HNRNPL: variants seen among roughly 807,000 people sequenced by gnomAD.
HNRNPL encodes the protein epididymis secretory sperm binding protein.
In HNRNPL, 12 loss-of-function variants were observed where a neutral mutation model predicts 64.0. That is an observed-to-expected ratio of 0.19 (90% CI 0.12 to 0.30). The LOEUF is 0.30. HNRNPL is among the 10% of genes least tolerant of loss of function. The pLI is 1.00. For missense variants in HNRNPL, 484 were observed against 797.4 expected (o/e 0.61, Z 4.73); for synonymous variants, 385 against 313.0 (o/e 1.23, Z -2.43).
intron 9 of HNRNPL, 132 bp downstream of exon 9, chr19:38,838,762 G>A (rs1430203325): frequency 3.6e-6 from 5 of 1,373,308 alleles, no homozygotes; most frequent in Non-Finnish European, 5.1e-6. Context: ...AGACACGTCT[G>A]GGAACACACC....
At chr19:38,851,898 G>A (rs1057448390), upstream of HNRNPL, among the ~76,000 whole-genome samples, 2 of 152,136 alleles carry the variant, frequency 1.3e-5, no homozygotes, top group Non-Finnish European at 2.9e-5. Context: ...ATCCGACCAC[G>A]CCAACGGAAC....
At chr19:38,845,450 T>TC (rs1167029498) in intron 4 of HNRNPL, 200 bp downstream of exon 4, 4 of 593,998 alleles carry the variant, frequency 6.7e-6, no homozygotes, top group Non-Finnish European at 9.0e-6. Flanking sequence ...CACTGCTCTC[T>TC]CCCCTAAGAT....
At chr19:38,850,662 C>T (rs370868943), upstream of HNRNPL, among the ~76,000 whole-genome samples, 7 of 152,356 alleles carry the variant, frequency 4.6e-5, no homozygotes, top group African/African-American at 1.7e-4. Flanking sequence ...ATGGAGCGAC[C>T]GCTGTGTGTG....
chr19:38,848,615 C>T (rs1600070374), intron 1 of HNRNPL, among the ~76,000 whole-genome samples: 1 of 152,160 alleles, frequency 6.6e-6, no homozygotes, highest in Non-Finnish European at 1.5e-5. Flanking sequence ...ATTTCAGGAG[C>T]GATCCACGCG....
In HNRNPL at chr19:38,837,405, G is replaced by A. The variant is rs1490881749; in HGVS notation, c.1690C>T (p.His564Tyr). 1 of 1,614,066 alleles carries A rather than the reference G, an allele frequency of 6.2e-7. No homozygotes were observed. The highest frequency in any genetic ancestry group is 1.3e-5 in the African/African-American group (1 of 75,056). The change falls in exon 12 of 13, where the codon CAT becomes TAT. Residue 564 changes from histidine (H) to tyrosine (Y), a missense_variant. Physicochemically the swap from His to Tyr is moderately conservative, Grantham distance 83. Coordinates refer to ENST00000221419, the MANE Select transcript of HNRNPL (RefSeq NM_001533.3). Reference sequence around the variant, plus strand: ...TCACTTGGGTTTTTCATCTGGTAATGGTTCAGGAAGCCCAGAGTCTCCAGG... The same window carrying A: ...TCACTTGGGTTTTTCATCTGGTAATAGTTCAGGAAGCCCAGAGTCTCCAGG... Reference protein sequence around the residue: ...DALETLGFLNHYQMKNPNGPY... With the variant: ...DALETLGFLNYYQMKNPNGPY...
chr19:38,840,953 A>T (rs1213540872), intron 6 of HNRNPL: 1 of 221,676 alleles, frequency 4.5e-6, no homozygotes, highest in East Asian at 1.5e-4. Context: ...GGGAGAGTAG[A>T]TTAAGAGGAA....
rs1972439138 is a variant in HNRNPL, at chr19:38,849,724, C to T, written c.243G>A (p.Gly81=). The T allele has an allele frequency of 1.5e-6, 2 of 1,376,506 alleles. No individual in the cohort carries two copies. The highest frequency in any genetic ancestry group is 9.3e-7 in the Non-Finnish European group (1 of 1,071,962). The allele number at this position is 1,376,506 out of a possible 1,614,324, so 85.3% of individuals were successfully genotyped here. ...GGGGGGGGGA[G]AAGGGGGGEN... is the part of the protein sequence containing the mutation. ...CCCCACCGCCGCCGCCGCCCGCCGC[C>T]CCGGCTCCTCCACCGCCACCGCCGC... Residue 81 remains glycine, a synonymous_variant, in exon 1 of 13, where the codon GGG becomes GGA. Coordinates refer to ENST00000221419, the MANE Select transcript of HNRNPL (RefSeq NM_001533.3).
chr19:38,837,698 G>A (rs753698023), intron 10 of HNRNPL, 47 bp from the exon 11 acceptor site: 12 of 1,545,328 alleles, frequency 7.8e-6, no homozygotes, highest in Middle Eastern at 1.8e-4. Flanking sequence ...CAAAAGGGCC[G>A]CCACACAGGA....
chr19:38,849,653 T>G (rs758524026), intron 1 of HNRNPL, 47 bp downstream of exon 1: 8 of 1,302,036 alleles, frequency 6.1e-6, no homozygotes, highest in Non-Finnish European at 7.8e-6. Flanking sequence ...GCTGGGAAAT[T>G]GTCCCCCAGT....
chr19:38,845,914 G>C lies in HNRNPL; in HGVS notation c.563C>G (p.Ser188Cys). ...KISRPGDSDD[S>C]RSVNSVLLFT... ...GAGAAGCACACTGTTCACGCTCCGG[G>C]AGTCATCCGAGTCCCCAGGGCGGGA... is the stretch of plus-strand genomic sequence containing the variant. The change falls in exon 3 of 13, where the codon TCC (serine) becomes TGC (cysteine). Residue 188 changes from serine to cysteine, a missense_variant. Ser to Cys is a moderately radical substitution (Grantham distance 112). Around this residue, in one of 9 missense-constraint regions of HNRNPL, gnomAD observed 60 missense variants for 192.2 expected, o/e 0.31. Coordinates refer to ENST00000221419, the MANE Select transcript of HNRNPL (RefSeq NM_001533.3). 6.2e-7 allele frequency: 1 copy of C among 1,614,224 alleles called. No homozygotes were observed. The highest frequency in any genetic ancestry group is 8.5e-7 in the Non-Finnish European group (1 of 1,180,040).
intron 6 of HNRNPL, chr19:38,843,257 C>CA (rs942825930): frequency 1.3e-5 from 2 of 153,730 alleles, no homozygotes; most frequent in Non-Finnish European, 2.9e-5. Context: ...CCATTCTTGA[C>CA]AGACACTAGG....
At chr19:38,837,025 T>C in intron 12 of HNRNPL, 1 of 545,344 alleles carries the variant, frequency 1.8e-6, no homozygotes, top group Admixed American at 3.5e-5. Context: ...GCAATGGGCC[T>C]CTCCCAGCAA....
intron 9 of HNRNPL, 106 bp downstream of exon 9, chr19:38,838,788 C>G: frequency 6.8e-7 from 1 of 1,481,068 alleles, no homozygotes. Flanking sequence ...CATCCCATTT[C>G]TGTGTGAGTC....
chr19:38,843,431 ACT>A (rs1972180178), intron 6 of HNRNPL: 1 of 206,112 alleles, frequency 4.9e-6, no homozygotes, highest in African/African-American at 2.3e-5. Context: ...GCCCCCCAAC[ACT>A]GTCACTCCCC....
chr19:38,836,788 GGA>G lies in HNRNPL; in HGVS notation c.1712-10_1712-9del, dbSNP rs1333513121. On this transcript the variant is annotated splice_polypyrimidine_tract_variant and intron_variant, in intron 12 of 12. Transcript: ENST00000221419. ...TGTAAGGGTATGGACCATCTGCAAA[GGA>G]GAGACAAGTTTGGTTGGTTCCCGTC... 4 of 1,609,638 alleles carry G rather than the reference GGA, an allele frequency of 2.5e-6. No individual in the cohort carries two copies. In the African/African-American group the frequency reaches 4.0e-5, roughly 16 times the overall value.
chr19:38,850,490 A>AC (rs943639149), upstream of HNRNPL, among the ~76,000 whole-genome samples: 3 of 152,078 alleles, frequency 2.0e-5, no homozygotes, highest in African/African-American at 7.2e-5. Context: ...AGTGGAGCGC[A>AC]CCCTCTCACC....
intron 6 of HNRNPL, 156 bp from the exon 7 acceptor site, chr19:38,840,715 G>C (rs1054168146): frequency 7.6e-6 from 5 of 661,048 alleles, no homozygotes; most frequent in Non-Finnish European, 1.1e-5. Context: ...TCTGACCTAC[G>C]GCGGGCATGA....
rs755810793 is a variant in HNRNPL at position 38,840,345 on chromosome 19, G to A, written c.984C>T (p.Tyr328=). ...GGPHGGYHSH[Y]HDEGYGPPPP... is the part of the protein sequence containing the mutation. ...GGGGGGGCCCGTAGCCCTCATCATG[G>A]TAATGGCTGTGGTACCCACCGTGGG... is the stretch of plus-strand genomic sequence containing the variant. The change falls in exon 8 of 13, where the codon TAC becomes TAT. Residue 328 remains tyrosine, a synonymous_variant. Coordinates refer to ENST00000221419, the MANE Select transcript of HNRNPL (RefSeq NM_001533.3). The A allele has an allele frequency of 1.9e-6, 3 of 1,551,086 alleles. No individual in the cohort carries two copies. The highest frequency in any genetic ancestry group is 1.2e-5 in the South Asian group (1 of 81,636).
At position 38,846,009 on chromosome 19, in the gene HNRNPL, G is replaced by A. The variant is rs771445879; in HGVS notation, c.468C>T (p.Tyr156=). ...DVLGACNAVN[Y]AADNQIYIAG... is the part of the protein sequence containing the mutation. ...CAATGTATATTTGGTTGTCGGCTGC[G>A]TAGTTCACTGCGTTGCAAGCCCCCA... Residue 156 remains tyrosine, a synonymous_variant, in exon 3 of 13, where the codon TAC becomes TAT. Transcript: ENST00000221419. The A allele has an allele frequency of 9.9e-6, 16 of 1,614,044 alleles. No homozygotes were observed. The highest frequency in any genetic ancestry group is 3.3e-5 in the Admixed American group (2 of 60,010).
Sources: gnomAD v4.1 joint callset for allele counts (sites outside exome capture counted in the v4.1 genomes callset) on GRCh38, gnomAD v4.1.1 for gene constraint, gnomAD v4.1.1 regional missense constraint, MANE v1.5 for transcripts, NCBI Gene and HGNC (gene_info 2026-07-23, HGNC 2026-07-21) for gene names.